Variants in CTNNA2 observed in about 807,000 individuals in gnomAD.
CTNNA2 encodes catenin alpha 2, also known as catenin alpha-2.
CTNNA2 carries 42 observed loss-of-function variants against 101.0 expected under a neutral mutation model. The observed-to-expected ratio is 0.42, with a 90% confidence interval of 0.32 to 0.54. The LOEUF is 0.54. CTNNA2 is among the 20% of genes least tolerant of loss of function. The pLI, the probability that CTNNA2 is intolerant of heterozygous loss-of-function variation, is 0.14. For synonymous variants in CTNNA2, 450 were observed against 456.4 expected, an observed-to-expected ratio of 0.99 and a Z score of 0.18; for missense variants, 871 against 1,223.1, an observed-to-expected ratio of 0.71 and a Z score of 4.29.
chr2:80,249,647 G>A (rs533531776), intron 7 of CTNNA2, among the ~76,000 whole-genome samples: 16 of 152,280 alleles, frequency 1.1e-4, no homozygotes, highest in East Asian at 7.7e-4. Context: ...TTGGTGCTTC[G>A]TGGATTAGGA....
intron 7 of CTNNA2, among the ~76,000 whole-genome samples, chr2:80,237,368 A>G (rs1443210767): frequency 6.6e-6 from 1 of 152,236 alleles, no homozygotes; most frequent in Non-Finnish European, 1.5e-5. Context: ...GGATGGGTTT[A>G]TCAGGGTATT....
intron 1 of CTNNA2, among the ~76,000 whole-genome samples, chr2:79,566,844 T>C (rs1675146866): frequency 1.3e-5 from 2 of 152,310 alleles, no homozygotes; most frequent in African/African-American, 4.8e-5. Flanking sequence ...AATCCTACTT[T>C]AACTTCTTGT....
Position 80,315,393 on chromosome 2 carries a change from G to A in CTNNA2, c.1057-77818G>A, listed in dbSNP as rs189619985. ...AGGTTGACTGAAAGCTGTGGTGCTC[G>A]CTCAAGTGTCCATGATCAACTGGAA... On this transcript the variant is annotated intron_variant, in intron 7 of 18. Coordinates refer to ENST00000402739, the MANE Select transcript of CTNNA2 (RefSeq NM_001282597.3). Among the ~76,000 whole-genome samples the A allele has an allele frequency of 4.8e-4, 73 of 152,296 alleles. 1 individual carries two copies. The highest frequency in any genetic ancestry group is 1.5e-3 in the African/African-American group (64 of 41,556).
At chr2:79,811,009 G>A (rs1014550869) in intron 3 of CTNNA2, among the ~76,000 whole-genome samples, 3 of 151,132 alleles carry the variant, frequency 2.0e-5, no homozygotes, top group Non-Finnish European at 2.9e-5. Context: ...TGTCTTTATA[G>A]CAGCATGATT....
At chr2:80,317,711 A>T (rs1226164021) in intron 7 of CTNNA2, among the ~76,000 whole-genome samples, 1 of 152,110 alleles carries the variant, frequency 6.6e-6, no homozygotes, top group Non-Finnish European at 1.5e-5. Context: ...AACCACACAC[A>T]TTCAGAAATC....
chr2:79,842,608 G>A (rs1385162492), intron 3 of CTNNA2, among the ~76,000 whole-genome samples: 2 of 151,944 alleles, frequency 1.3e-5, no homozygotes, highest in East Asian at 1.9e-4. Context: ...TAAGATCACC[G>A]ACTTTCAGAC....
At chr2:79,253,035 A>G (rs1674793805) in intron 2 of CTNNA2, among the ~76,000 whole-genome samples, 1 of 152,208 alleles carries the variant, frequency 6.6e-6, no homozygotes. Flanking sequence ...TCATGGAAGC[A>G]TATTCTCATT....
chr2:79,243,005 C>CACACACACAT (rs1553385621), intron 2 of CTNNA2, among the ~76,000 whole-genome samples: 1 of 140,258 alleles, frequency 7.1e-6, no homozygotes. Flanking sequence ...CACACACACA[C>CACACACACAT]ACACACACAC....
At chr2:80,368,001 C>T (rs1454753615) in intron 7 of CTNNA2, among the ~76,000 whole-genome samples, 4 of 152,018 alleles carry the variant, frequency 2.6e-5, no homozygotes, top group East Asian at 1.9e-4. Context: ...TAGAAATCCA[C>T]GTTACCAAAT....
chr2:79,226,602 A>G (rs1469161364), intron 2 of CTNNA2, among the ~76,000 whole-genome samples: 4 of 152,190 alleles, frequency 2.6e-5, no homozygotes, highest in African/African-American at 9.7e-5. Context: ...TTAAAATATC[A>G]TTAAATGCAC....
At chr2:80,125,375 G>T (rs918856326) in intron 7 of CTNNA2, among the ~76,000 whole-genome samples, 1 of 152,268 alleles carries the variant, frequency 6.6e-6, no homozygotes, top group Middle Eastern at 3.4e-3. Context: ...GACCTACGAA[G>T]ATTACAGTGA....
chr2:80,361,981 G>A (rs567783473), intron 7 of CTNNA2, among the ~76,000 whole-genome samples: 1 of 152,186 alleles, frequency 6.6e-6, no homozygotes, highest in Admixed American at 6.5e-5. Flanking sequence ...TCTAGTAAGA[G>A]GACTTGACAG....
chr2:79,900,146 C>T lies in CTNNA2; in HGVS notation c.853-9448C>T, dbSNP rs192414563. ...CAGAGCCAGAATTATGATCATGCCT[C>T]ATTGTCTATAGGTGTCTTTCATTCT... On this transcript the variant is annotated intron_variant, in intron 6 of 18. Coordinates refer to ENST00000402739, the MANE Select transcript of CTNNA2 (RefSeq NM_001282597.3). 4.1e-4 allele frequency among the ~76,000 whole-genome samples: 63 copies of T among 152,266 alleles called. 2 individuals are homozygous for T. The East Asian group carries it at 0.012, about 28-fold the overall frequency.
At chr2:79,994,346 A>T (rs1248444548) in intron 7 of CTNNA2, among the ~76,000 whole-genome samples, 2 of 152,204 alleles carry the variant, frequency 1.3e-5, no homozygotes, top group African/African-American at 2.4e-5. Flanking sequence ...GAGTTGCGAC[A>T]TAGTCAAATA....
At chr2:80,415,901 C>A (rs1384859963) in intron 8 of CTNNA2, among the ~76,000 whole-genome samples, 1 of 151,970 alleles carries the variant, frequency 6.6e-6, no homozygotes, top group Non-Finnish European at 1.5e-5. Context: ...CATGGATGGA[C>A]TTGGAGGGCA....
intron 2 of CTNNA2, among the ~76,000 whole-genome samples, chr2:79,675,282 G>T (rs1683107356): frequency 2.6e-5 from 4 of 152,192 alleles, no homozygotes. Flanking sequence ...AATTGGTATT[G>T]ATTCAAATTG....
intron 7 of CTNNA2, among the ~76,000 whole-genome samples, chr2:80,291,635 T>C (rs971861277): frequency 1.3e-5 from 2 of 152,328 alleles, no homozygotes; most frequent in Admixed American, 6.5e-5. Context: ...TGATTTAATA[T>C]TGCCAATATT....
intron 6 of CTNNA2, among the ~76,000 whole-genome samples, chr2:79,889,899 G>A (rs181626872): frequency 4.6e-4 from 70 of 152,252 alleles, no homozygotes; most frequent in Non-Finnish European, 5.3e-4. Flanking sequence ...CTCCAAAGAA[G>A]GTCTGGCCAA....
intron 9 of CTNNA2, among the ~76,000 whole-genome samples, chr2:80,433,560 C>A (rs1482811793): frequency 1.3e-5 from 2 of 151,968 alleles, no homozygotes; most frequent in African/African-American, 4.8e-5. Flanking sequence ...CTGGAGAGTT[C>A]ATATGTTGGA....
Sources: gnomAD v4.1 joint callset for allele counts (sites outside exome capture counted in the v4.1 genomes callset) on GRCh38, gnomAD v4.1.1 for gene constraint, MANE v1.5 for transcripts, NCBI Gene and HGNC (gene_info 2026-07-23, HGNC 2026-07-21) for gene names.